MME: variants seen among roughly 807,000 people sequenced by gnomAD.
MME encodes neprilysin.
MME carries 98 observed loss-of-function variants against 113.2 expected under a neutral mutation model. The ratio of observed to expected loss-of-function variants is 0.87; its 90% confidence interval spans 0.74 to 1.02. The LOEUF is 1.02. Ranked by LOEUF, MME falls within the 50% of genes least tolerant of loss-of-function variation. MME has a pLI of 0.00. For synonymous variants in MME, 292 were observed against 300.6 expected (o/e 0.97, Z 0.30); for missense variants, 836 against 896.0 (o/e 0.93, Z 0.86).
At chr3:155,177,058 G>A (rs910464708) in intron 22 of MME, among the ~76,000 whole-genome samples, 13 of 151,886 alleles carry the variant, frequency 8.6e-5, no homozygotes, top group African/African-American at 3.1e-4. Context: ...CTTTCTTTTA[G>A]GTGTTTTTTG....
At position 155,085,057 on chromosome 3, in the gene MME, A is replaced by G; in HGVS notation, c.161-2A>G. The G allele has an allele frequency of 6.3e-7, 1 of 1,585,470 alleles. No individual in the cohort carries two copies. On this transcript the variant is annotated splice_acceptor_variant, in intron 2 of 22. Coordinates refer to ENST00000360490, the MANE Select transcript of MME (RefSeq NM_007289.4). LOFTEE classifies it high-confidence loss of function. ...TTTATGTATATTCTCTCCTTTTTCT[A>G]GATGGTATTTGCAAGTCATCAGACT...
intron 1 of MME, among the ~76,000 whole-genome samples, chr3:155,082,521 C>T (rs1290830377): frequency 6.6e-6 from 1 of 152,204 alleles, no homozygotes; most frequent in Non-Finnish European, 1.5e-5. Flanking sequence ...ACAATCAATG[C>T]AATTCCATAT....
chr3:155,109,998 C>T (rs1025192), intron 3 of MME, among the ~76,000 whole-genome samples: 77,652 of 152,130 alleles, frequency 0.51, 20,032 homozygotes, highest in South Asian at 0.63. Context: ...AAAATTCATC[C>T]GCGGACTCTC....
Position 155,106,377 on chromosome 3 carries a change from A to AG in MME, c.197-8615dup, listed in dbSNP as rs536015579. 1.7e-3 allele frequency among the ~76,000 whole-genome samples: 258 copies of AG among 152,302 alleles called. 2 individuals carry two copies. Among genetic ancestry groups the AG allele is most frequent in the African/African-American group, 6.0e-3 (249 of 41,570 alleles). On this transcript the variant is annotated intron_variant, in intron 3 of 22. Coordinates refer to ENST00000360490, the MANE Select transcript of MME (RefSeq NM_007289.4). ...CCCACTCTCCATCTTTCTTCAACCA[A>AG]GGCATCACAAAAGCAATTTGGGGGC... is the stretch of plus-strand genomic sequence containing the variant.
upstream of MME, among the ~76,000 whole-genome samples, chr3:155,075,649 A>G (rs1559900811): frequency 6.6e-6 from 1 of 152,170 alleles, no homozygotes; most frequent in Non-Finnish European, 1.5e-5. Flanking sequence ...GTATATAATT[A>G]ATCAATATCA....
chr3:155,098,146 G>T (rs1716892315), intron 3 of MME, among the ~76,000 whole-genome samples: 1 of 152,174 alleles, frequency 6.6e-6, no homozygotes, highest in Admixed American at 6.5e-5. Context: ...ATCAATTCAG[G>T]GTAGGCTCAT....
rs73012380 is a variant in MME, at chr3:155,179,270, A to G, written c.2154-1090A>G. Among the ~76,000 whole-genome samples, 452 of 152,274 alleles carry G rather than the reference A, an allele frequency of 3.0e-3. 4 individuals carry two copies. The highest frequency in any genetic ancestry group is 0.01 in the African/African-American group (425 of 41,562). On this transcript the variant is annotated intron_variant, in intron 22 of 22. Transcript: ENST00000360490. ...TAAGGAGGAACAGGAAGAGAAATGT[A>G]CCACGAGGAGGCTAGAGAGGAGACT...
At chr3:155,097,833 T>A (rs565710065) in intron 3 of MME, among the ~76,000 whole-genome samples, 138 of 152,254 alleles carry the variant, frequency 9.1e-4, no homozygotes, top group Non-Finnish European at 1.7e-3. Flanking sequence ...AAAGTGTCCA[T>A]GTGAGGAGTG....
chr3:155,094,873 A>G (rs1242540432), intron 3 of MME, among the ~76,000 whole-genome samples: 1 of 152,222 alleles, frequency 6.6e-6, no homozygotes, highest in South Asian at 2.1e-4. Flanking sequence ...AGAGGTCTGC[A>G]TCAGGAGAAT....
At chr3:155,158,108 A>G (rs1722446545) in intron 16 of MME, among the ~76,000 whole-genome samples, 1 of 152,132 alleles carries the variant, frequency 6.6e-6, no homozygotes, top group Non-Finnish European at 1.5e-5. Flanking sequence ...CTGAAACATT[A>G]ATTTCATATA....
intron 1 of MME, among the ~76,000 whole-genome samples, chr3:155,056,333 C>G (rs1387330605): frequency 2.1e-5 from 3 of 145,510 alleles, no homozygotes; most frequent in Non-Finnish European, 4.5e-5. Context: ...CCCCCCTCCC[C>G]ACACCGCACA....
chr3:155,083,839 T>C, intron 1 of MME: 1 of 322,352 alleles, frequency 3.1e-6, no homozygotes, highest in Non-Finnish European at 6.0e-6. Flanking sequence ...TATTTGCTTA[T>C]AAACTGCTGA....
chr3:155,146,332 C>T (rs1349363841), intron 14 of MME, among the ~76,000 whole-genome samples: 1 of 151,814 alleles, frequency 6.6e-6, no homozygotes, highest in Non-Finnish European at 1.5e-5. Flanking sequence ...TTGAGACTAG[C>T]CTGGGCAACG....
At chr3:155,099,669 G>T (rs373844353) in intron 3 of MME, among the ~76,000 whole-genome samples, 2 of 152,298 alleles carry the variant, frequency 1.3e-5, no homozygotes, top group South Asian at 2.1e-4. Flanking sequence ...GTGTCCTTGC[G>T]ATAGTTTGCC....
Position 155,140,191 on chromosome 3 carries a change from G to C in MME, c.856G>C (p.Ala286Pro). Residue 286 changes from alanine (A) to proline (P), a missense_variant and splice_region_variant, in exon 10 of 23, where the codon GCT becomes CCT. Physicochemically the swap from Ala to Pro is conservative, Grantham distance 27 (BLOSUM62 -1). Coordinates refer to ENST00000360490, the MANE Select transcript of MME (RefSeq NM_007289.4). ...TAATGATTAAAAATTAAATCCATAG[G>C]CTACGGCTAAACCTGAAGATCGAAA... is the stretch of plus-strand genomic sequence containing the variant. ...VMELEKEIAN[A>P]TAKPEDRNDP... 1 of 1,604,418 alleles carries C rather than the reference G, an allele frequency of 6.2e-7. No homozygotes were observed. Among genetic ancestry groups the C allele is most frequent in the Non-Finnish European group, 8.5e-7 (1 of 1,172,718 alleles).
At chr3:155,153,692 G>A (rs936736015) in intron 16 of MME, among the ~76,000 whole-genome samples, 1 of 152,108 alleles carries the variant, frequency 6.6e-6, no homozygotes, top group African/African-American at 2.4e-5. Context: ...TTGAGCCCTG[G>A]AGTTAACTTT....
intron 7 of MME, among the ~76,000 whole-genome samples, chr3:155,118,181 C>T (rs1442684239): frequency 1.3e-5 from 2 of 152,178 alleles, no homozygotes; most frequent in African/African-American, 4.8e-5. Context: ...GGTAGAGAAT[C>T]TTAAAAAACA....
At chr3:155,124,616 T>G (rs1237762104) in intron 8 of MME, among the ~76,000 whole-genome samples, 13 of 152,042 alleles carry the variant, frequency 8.6e-5, no homozygotes, top group African/African-American at 1.9e-4. Context: ...GTCCTTTCTG[T>G]TTGTTAGTTT....
intron 3 of MME, among the ~76,000 whole-genome samples, chr3:155,092,753 A>T (rs1053133070): frequency 7.2e-5 from 11 of 152,218 alleles, no homozygotes; most frequent in African/African-American, 2.2e-4. Flanking sequence ...GCCAGACACA[A>T]ACTGCATATT....
Sources: gnomAD v4.1 joint callset for allele counts (sites outside exome capture counted in the v4.1 genomes callset) on GRCh38, gnomAD v4.1.1 for gene constraint, MANE v1.5 for transcripts, NCBI Gene and HGNC (gene_info 2026-07-23, HGNC 2026-07-21) for gene names.